Variants in AGPAT4 observed in about 807,000 individuals in gnomAD.
The protein encoded by AGPAT4 is 1-acyl-sn-glycerol-3-phosphate acyltransferase delta.
Under a neutral mutation model 48.0 loss-of-function variants are expected in AGPAT4, and 15 were observed. The observed-to-expected ratio is 0.31, with a 90% confidence interval of 0.21 to 0.48. AGPAT4 has a LOEUF of 0.48. AGPAT4 is among the 20% of genes least tolerant of loss of function. The probability of loss-of-function intolerance (pLI) is 0.99; values close to 1 mark genes in which losing one functional copy is unlikely to be tolerated. For missense variants in AGPAT4, 314 were observed against 482.5 expected (o/e 0.65, Z 3.27); for synonymous variants, 178 against 198.7 (o/e 0.90, Z 0.88).
chr6:161,231,785 T>C lies in AGPAT4; in HGVS notation c.178+251A>G, dbSNP rs1782130401. Among the ~76,000 whole-genome samples the C allele has an allele frequency of 6.6e-6, 1 of 152,166 alleles. No homozygotes were observed. Among genetic ancestry groups the C allele is most frequent in the Non-Finnish European group, 1.5e-5 (1 of 68,030 alleles). On this transcript the variant is annotated intron_variant, in intron 2 of 8. Coordinates refer to ENST00000320285, the MANE Select transcript of AGPAT4 (RefSeq NM_020133.3). The surrounding 1 kb of genome is among the most constrained non-coding windows in gnomAD (Gnocchi z 5.3). ...TGGTTCTGAGGAGAACTAAAGAAAC[T>C]AATGGAATGCGTATTTACTTTTCAT...
chr6:161,192,340 G>A (rs979273410), intron 2 of AGPAT4, among the ~76,000 whole-genome samples: 17 of 151,862 alleles, frequency 1.1e-4, no homozygotes, highest in South Asian at 6.2e-4. Context: ...TAGTAGAAAC[G>A]GGGTTCCCCC....
intron 1 of AGPAT4, among the ~76,000 whole-genome samples, chr6:161,269,863 A>T (rs1323695942): frequency 6.6e-6 from 1 of 152,198 alleles, no homozygotes; most frequent in East Asian, 1.9e-4. Context: ...GTGTGAATGG[A>T]TGAAGGAATG....
intron 2 of AGPAT4, among the ~76,000 whole-genome samples, chr6:161,227,539 C>T (rs1225180164): frequency 6.6e-6 from 1 of 152,180 alleles, no homozygotes; most frequent in African/African-American, 2.4e-5. Flanking sequence ...TGCAGTTTCT[C>T]CAGCAACTCG....
rs1280204441 is a variant in AGPAT4, at chr6:161,236,709, G to A, written c.-89-4407C>T. Among the ~76,000 whole-genome samples the A allele has an allele frequency of 1.3e-5, 2 of 151,258 alleles. No homozygotes were observed. Among genetic ancestry groups the A allele is most frequent in the African/African-American group, 2.4e-5 (1 of 41,112 alleles). ...ACTTGAGGTCAGGAGTTCGAAACCA[G>A]CCTGGTGAAACCCCATCTCCACTAA... On this transcript the variant is annotated intron_variant, in intron 1 of 8. Transcript: ENST00000320285. The surrounding 1 kb of genome is among the most constrained non-coding windows in gnomAD (Gnocchi z 5.0).
At chr6:161,250,246 G>A (rs1346506677) in intron 1 of AGPAT4, among the ~76,000 whole-genome samples, 1 of 152,170 alleles carries the variant, frequency 6.6e-6, no homozygotes, top group East Asian at 1.9e-4. Flanking sequence ...AGAGGTAGTA[G>A]CTTTAATACC....
Position 161,226,530 on chromosome 6 carries a change from G to A in AGPAT4, c.178+5506C>T, listed in dbSNP as rs907518580. The stretch of plus-strand genomic sequence containing the variant: ...AGACTTCCCTTGTATTTTCATTTGT[G>A]GGGTAGGGGGTGGCCCACACCCAGT... On this transcript the variant is annotated intron_variant, in intron 2 of 8. Transcript: ENST00000320285. This position sits in a 1 kb window ranked among gnomAD's most constrained non-coding sequence, Gnocchi z 6.3. Among the ~76,000 whole-genome samples the A allele has an allele frequency of 1.3e-5, 2 of 152,108 alleles. No homozygotes were observed. The highest frequency in any genetic ancestry group is 6.5e-5 in the Admixed American group (1 of 15,276).
At chr6:161,136,657 G>C (rs1182392533) in intron 8 of AGPAT4, 23 bp from the exon 9 acceptor site, 1 of 1,607,102 alleles carries the variant, frequency 6.2e-7, no homozygotes, top group African/African-American at 1.3e-5. Flanking sequence ...GGAGAGCAGA[G>C]TTAGGAGTAG....
rs57231061 is a variant in AGPAT4 at position 161,141,365 on chromosome 6, C to T, written c.844-1745G>A. Among the ~76,000 whole-genome samples the T allele has an allele frequency of 0.5, 76,433 of 151,702 alleles. 21,088 individuals are homozygous for T. Among genetic ancestry groups the T allele is most frequent in the Admixed American group, 0.67 (10,163 of 15,260 alleles). ...CAACGTGTGTGCCAAGCACTCCTAC[C>T]CTCAAGCAGTGAGAGCGATCAGATG... is the stretch of plus-strand genomic sequence containing the variant. On this transcript the variant is annotated intron_variant, in intron 7 of 8. Transcript: ENST00000320285. The surrounding 1 kb of genome is among the most constrained non-coding windows in gnomAD (Gnocchi z 6.7).
Position 161,236,469 on chromosome 6 carries a change from C to T in AGPAT4, c.-89-4167G>A, listed in dbSNP as rs1354143291. 6.6e-6 allele frequency among the ~76,000 whole-genome samples: 1 copy of T among 152,090 alleles called. No homozygotes were observed. The stretch of plus-strand genomic sequence containing the variant: ...AAATTCACCCCATGACCTTGAGACA[C>T]CCTAGGGATGGGAGTGCAGGAGGCC... On this transcript the variant is annotated intron_variant, in intron 1 of 8. Coordinates refer to ENST00000320285, the MANE Select transcript of AGPAT4 (RefSeq NM_020133.3). This position sits in a 1 kb window ranked among gnomAD's most constrained non-coding sequence, Gnocchi z 5.0.
rs111397833 is a variant in AGPAT4, at chr6:161,271,736, C to T, written c.-90+2202G>A. Among the ~76,000 whole-genome samples, 430 of 152,318 alleles carry T rather than the reference C, an allele frequency of 2.8e-3. 2 individuals carry two copies. Among genetic ancestry groups the T allele is most frequent in the African/African-American group, 8.9e-3 (372 of 41,566 alleles). On this transcript the variant is annotated intron_variant, in intron 1 of 8. Coordinates refer to ENST00000320285, the MANE Select transcript of AGPAT4 (RefSeq NM_020133.3). ...TGGCTGTGCTTCTGAGGAAGTCTTG[C>T]TCTTTTTCCTTTCAGTTCTATTCCA...
intron 2 of AGPAT4, among the ~76,000 whole-genome samples, chr6:161,179,084 CATTTAACCATTGCCTGCT>C (rs1224228314): frequency 2.0e-5 from 3 of 152,168 alleles, no homozygotes; most frequent in Non-Finnish European, 4.4e-5. Context: ...CATTGCCTGT[CATTTAACCATTGCCTGCT>C]ATTTAACCAT....
At chr6:161,190,207 T>G (rs934353555) in intron 2 of AGPAT4, among the ~76,000 whole-genome samples, 3 of 152,170 alleles carry the variant, frequency 2.0e-5, no homozygotes, top group African/African-American at 7.2e-5. Context: ...CATGGGCACA[T>G]GACATTATGC....
At position 161,238,342 on chromosome 6, in the gene AGPAT4, T is replaced by C. The variant is rs1262915686; in HGVS notation, c.-89-6040A>G. ...TGCCTGGAACGGGGAAAACCCCAAG[T>C]AATGGGGGATTTTTCTATCATTTGC... On this transcript the variant is annotated intron_variant, in intron 1 of 8. Coordinates refer to ENST00000320285, the MANE Select transcript of AGPAT4 (RefSeq NM_020133.3). The surrounding 1 kb of genome is among the most constrained non-coding windows in gnomAD (Gnocchi z 5.2). 6.6e-6 allele frequency among the ~76,000 whole-genome samples: 1 copy of C among 152,162 alleles called. No individual in the cohort carries two copies. Among genetic ancestry groups the C allele is most frequent in the Admixed American group, 6.5e-5 (1 of 15,280 alleles).
intron 2 of AGPAT4, among the ~76,000 whole-genome samples, chr6:161,228,735 G>A (rs184254767): frequency 1.2e-4 from 18 of 148,362 alleles, no homozygotes; most frequent in African/African-American, 4.3e-4. Flanking sequence ...TAGTGGAAAG[G>A]CAATGAAATT....
chr6:161,136,352 A>G lies in AGPAT4; in HGVS notation c.*188T>C, dbSNP rs1779064934. 3.4e-6 allele frequency: 2 copies of G among 584,970 alleles called. No homozygotes were observed. The highest frequency in any genetic ancestry group is 2.9e-5 in the East Asian group (1 of 34,592). 36.2% of individuals were successfully genotyped at this position (584,970 alleles called of 1,614,324 possible). On this transcript the variant is annotated 3_prime_UTR_variant, in exon 9 of 9. Coordinates refer to ENST00000320285, the MANE Select transcript of AGPAT4 (RefSeq NM_020133.3). ...CCAAAGCCCACTAAAGCACATGGGG[A>G]AAAAAAGATTACAAAACATCTTCCT...
intron 1 of AGPAT4, among the ~76,000 whole-genome samples, chr6:161,239,324 C>A (rs1366084036): frequency 2.0e-5 from 3 of 152,290 alleles, no homozygotes; most frequent in Admixed American, 2.0e-4. Context: ...CAGTTTAATG[C>A]ATTAAATTAG....
At position 161,149,890 on chromosome 6, in the gene AGPAT4, G is replaced by A. The variant is rs1043079964; in HGVS notation, c.665-601C>T. On this transcript the variant is annotated intron_variant, in intron 5 of 8. Transcript: ENST00000320285. The surrounding 1 kb of genome is among the most constrained non-coding windows in gnomAD (Gnocchi z 6.5). ...GCAAAGTCAGGTCTAGAGGTACTAC[G>A]ACGATGATTTGTAACTTTCTAATGT... 2.6e-5 allele frequency among the ~76,000 whole-genome samples: 4 copies of A among 152,284 alleles called. No homozygotes were observed. The highest frequency in any genetic ancestry group is 1.9e-4 in the East Asian group (1 of 5,178).
Position 161,166,638 on chromosome 6 carries a change from C to T in AGPAT4, c.179-221G>A, listed in dbSNP as rs1240434341. Among the ~76,000 whole-genome samples, 1 of 152,124 alleles carries T rather than the reference C, an allele frequency of 6.6e-6. No individual in the cohort carries two copies. Among genetic ancestry groups the T allele is most frequent in the Non-Finnish European group, 1.5e-5 (1 of 68,028 alleles). On this transcript the variant is annotated intron_variant, in intron 2 of 8. Transcript: ENST00000320285. This position sits in a 1 kb window ranked among gnomAD's most constrained non-coding sequence, Gnocchi z 6.7. The stretch of plus-strand genomic sequence containing the variant: ...TTCTCCAGGGAAGAAGAGAAGGATA[C>T]TTGGAGAAGGTAAATGACTTACTCC...
In AGPAT4 at chr6:161,148,887, G is replaced by A. The variant is rs1280303765; in HGVS notation, c.767+300C>T. The stretch of plus-strand genomic sequence containing the variant: ...AGCAGACCCATCGCCCACGAAAAGG[G>A]TCAATAACATATTCTCTTCACACCA... On this transcript the variant is annotated intron_variant, in intron 6 of 8. Coordinates refer to ENST00000320285, the MANE Select transcript of AGPAT4 (RefSeq NM_020133.3). This position sits in a 1 kb window ranked among gnomAD's most constrained non-coding sequence, Gnocchi z 5.5. Among the ~76,000 whole-genome samples, 1 of 152,126 alleles carries A rather than the reference G, an allele frequency of 6.6e-6. No individual in the cohort carries two copies. The highest frequency in any genetic ancestry group is 1.5e-5 in the Non-Finnish European group (1 of 68,024).
Sources: allele counts gnomAD v4.1 joint callset (sites outside exome capture counted in the v4.1 genomes callset), GRCh38; gene constraint gnomAD v4.1.1; non-coding constraint Gnocchi (gnomAD v3.1); transcripts MANE v1.5; gene names NCBI Gene and HGNC (gene_info 2026-07-23, HGNC 2026-07-21).